The following SEC63 variants were observed in gnomAD, a reference collection of about 807,000 sequenced individuals.
SEC63 encodes translocation protein SEC63 homolog.
Under a neutral mutation model 116.2 loss-of-function variants are expected in SEC63, and 56 were observed. The ratio of observed to expected loss-of-function variants is 0.48; its 90% CI spans 0.39 to 0.60. SEC63 has a LOEUF of 0.60. SEC63 is among the 20% of genes least tolerant of loss of function. The probability of loss-of-function intolerance (pLI) is 0.00; values close to 1 mark genes in which losing one functional copy is unlikely to be tolerated. For missense variants in SEC63, 668 were observed against 900.0 expected (o/e 0.74, Z 3.30); for synonymous variants, 273 against 294.6 (o/e 0.93, Z 0.75).
intron 9 of SEC63, 22 bp downstream of exon 9, chr6:107,906,661 G>A (rs769861218): frequency 6.2e-7 from 1 of 1,608,196 alleles, no homozygotes; most frequent in Non-Finnish European, 8.5e-7. Context: ...GCTCATCGGG[G>A]GATTTGGGAA....
intron 19 of SEC63, 40 bp from the exon 20 acceptor site, chr6:107,872,952 G>T: frequency 7.8e-7 from 1 of 1,284,748 alleles, no homozygotes; most frequent in East Asian, 2.5e-5. Flanking sequence ...TGTATTATGG[G>T]GAGGAAACAG....
At position 107,871,669 on chromosome 6, in the gene SEC63, T is replaced by A; in HGVS notation, c.*35A>T. Reference sequence around the variant, plus strand: ...TTCCAAAACAGCAAAAAATTGCAAATATGTGCAAACACTGTGGTCCATTCA... The same window carrying A: ...TTCCAAAACAGCAAAAAATTGCAAAAATGTGCAAACACTGTGGTCCATTCA... On this transcript the variant is annotated 3_prime_UTR_variant, in exon 21 of 21. Coordinates refer to ENST00000369002, the MANE Select transcript of SEC63 (RefSeq NM_007214.5). 4 of 1,610,090 alleles carry A rather than the reference T, an allele frequency of 2.5e-6. No individual in the cohort carries two copies. Among genetic ancestry groups the A allele is most frequent in the Non-Finnish European group, 3.4e-6 (4 of 1,178,678 alleles).
rs9320242 is a variant in SEC63 at position 107,909,442 on chromosome 6, G to A, written c.625-407C>T. Among the ~76,000 whole-genome samples, 1,464 of 151,158 alleles carry A rather than the reference G, an allele frequency of 9.7e-3. 22 individuals carry two copies. The highest frequency in any genetic ancestry group is 0.033 in the African/African-American group (1,367 of 41,256). ...AAGTTTGAGGCAGAATATGTTTATG[G>A]TCAAATCTTCTAAATATTCATAAAA... On this transcript the variant is annotated intron_variant, in intron 7 of 20. Coordinates refer to ENST00000369002, the MANE Select transcript of SEC63 (RefSeq NM_007214.5).
intron 18 of SEC63, among the ~76,000 whole-genome samples, chr6:107,880,191 A>G (rs1017304109): frequency 1.3e-5 from 2 of 152,240 alleles, no homozygotes; most frequent in African/African-American, 4.8e-5. Flanking sequence ...TCAAAACAAC[A>G]GTCTGTGCAG....
At chr6:107,909,747 A>C (rs1787233542) in intron 7 of SEC63, among the ~76,000 whole-genome samples, 1 of 152,214 alleles carries the variant, frequency 6.6e-6, no homozygotes, top group Non-Finnish European at 1.5e-5. Context: ...TTGACATGAC[A>C]CTTTCATTCA....
intron 16 of SEC63, among the ~76,000 whole-genome samples, chr6:107,888,620 C>T (rs1327386106): frequency 6.6e-6 from 1 of 152,170 alleles, no homozygotes; most frequent in East Asian, 1.9e-4. Flanking sequence ...CCAGAACTTC[C>T]AATACTATGT....
chr6:107,874,696 C>A (rs1031631923), intron 19 of SEC63, among the ~76,000 whole-genome samples: 2 of 150,708 alleles, frequency 1.3e-5, no homozygotes, highest in Non-Finnish European at 3.0e-5. Flanking sequence ...TTCTTTCTTT[C>A]GAGACATGTC....
chr6:107,881,315 AG>A, intron 17 of SEC63, 65 bp from the exon 18 acceptor site: 1 of 1,139,214 alleles, frequency 8.8e-7, no homozygotes, highest in South Asian at 1.3e-5. Flanking sequence ...AAGGATTTCC[AG>A]GTATTATTCC....
At chr6:107,929,626 T>C (rs577340677) in intron 1 of SEC63, 112 bp from the exon 2 acceptor site, 2 of 673,676 alleles carry the variant, frequency 3.0e-6, no homozygotes, top group South Asian at 1.6e-5. Flanking sequence ...TAATGGAACA[T>C]GAAATTACTG....
At chr6:107,929,793 T>G (rs891883528) in intron 1 of SEC63, among the ~76,000 whole-genome samples, 10 of 152,180 alleles carry the variant, frequency 6.6e-5, no homozygotes, top group Non-Finnish European at 1.5e-4. Context: ...CCCAAAATAT[T>G]TAGTCAGATA....
At chr6:107,875,019 G>T (rs1207902821) in intron 19 of SEC63, among the ~76,000 whole-genome samples, 1 of 151,860 alleles carries the variant, frequency 6.6e-6, no homozygotes, top group African/African-American at 2.4e-5. Context: ...GAAGGTCCTG[G>T]ATTTTGTTTT....
chr6:107,905,943 G>T (rs1282636945), intron 10 of SEC63, among the ~76,000 whole-genome samples: 1 of 151,954 alleles, frequency 6.6e-6, no homozygotes, highest in Non-Finnish European at 1.5e-5. Flanking sequence ...CAATTATTTG[G>T]CCAAAAAAGA....
intron 2 of SEC63, among the ~76,000 whole-genome samples, chr6:107,928,100 CTCTTT>C (rs1315722279): frequency 6.6e-6 from 1 of 152,042 alleles, no homozygotes. Flanking sequence ...GAGAAAATTA[CTCTTT>C]TCAAGACTAA....
At chr6:107,919,814 T>G (rs1787510495) in intron 4 of SEC63, among the ~76,000 whole-genome samples, 1 of 148,978 alleles carries the variant, frequency 6.7e-6, no homozygotes, top group South Asian at 2.1e-4. Context: ...AGAGCAAGAC[T>G]CCATCTCAAA....
chr6:107,883,266 T>C (rs888879729), intron 16 of SEC63, 120 bp from the exon 17 acceptor site: 5 of 1,226,656 alleles, frequency 4.1e-6, no homozygotes, highest in African/African-American at 1.5e-5. Context: ...ATTTCACTAT[T>C]CATATACAAT....
intron 1 of SEC63, chr6:107,957,187 A>G (rs554254406): frequency 6.6e-6 from 1 of 152,326 alleles, no homozygotes; most frequent in African/African-American, 2.4e-5. Context: ...AAAATTCCCT[A>G]CAAGATTAAT....
chr6:107,935,796 T>A (rs928922185), intron 1 of SEC63, among the ~76,000 whole-genome samples: 20 of 119,980 alleles, frequency 1.7e-4, no homozygotes, highest in Non-Finnish European at 2.3e-4. Flanking sequence ...TTAAAAAAAA[T>A]AAAATAAAAT....
chr6:107,954,098 G>T (rs1267635327), intron 1 of SEC63, among the ~76,000 whole-genome samples: 1 of 152,202 alleles, frequency 6.6e-6, no homozygotes, highest in Non-Finnish European at 1.5e-5. Flanking sequence ...AGACACGGGA[G>T]ACTTTTCATT....
Position 107,868,304 on chromosome 6 carries a change from C to A in SEC63, c.*3400G>T, listed in dbSNP as rs887937627. The A allele has an allele frequency of 1.3e-5, 2 of 151,802 alleles. No individual in the cohort carries two copies. Among genetic ancestry groups the A allele is most frequent in the African/African-American group, 4.8e-5 (2 of 41,278 alleles). 9.4% of individuals were successfully genotyped at this position (151,802 alleles called of 1,614,324 possible). A position where few individuals can be genotyped will look rare whatever the true frequency, so the allele number is the denominator to read the frequency against. The stretch of plus-strand genomic sequence containing the variant: ...TTCCAAAAAAACCCAACAGGCTGGG[C>A]GCAGTGGCTCATGCCTGTAATGCCA... On this transcript the variant is annotated 3_prime_UTR_variant, in exon 21 of 21. Transcript: ENST00000369002.
Sources: allele counts gnomAD v4.1 joint callset (sites outside exome capture counted in the v4.1 genomes callset), GRCh38; gene constraint gnomAD v4.1.1; transcripts MANE v1.5; gene names NCBI Gene and HGNC (gene_info 2026-07-23, HGNC 2026-07-21).